The following FNDC3B variants were observed in gnomAD, a reference collection of about 807,000 sequenced individuals.
The protein encoded by FNDC3B is fibronectin type III domain-containing protein 3B.
Under a neutral mutation model 151.5 loss-of-function variants are expected in FNDC3B, and 12 were observed. The observed-to-expected ratio is 0.08, with a 90% CI of 0.05 to 0.13. The LOEUF is 0.13. Ranked by LOEUF, FNDC3B falls within the 10% of genes least tolerant of loss-of-function variation. The pLI is 1.00. For synonymous variants in FNDC3B, 528 were observed against 549.0 expected, an observed-to-expected ratio of 0.96 and a Z score of 0.54; for missense variants, 1,214 against 1,505.3, an observed-to-expected ratio of 0.81 and a Z score of 3.20.
At chr3:172,257,830 C>T (rs1435528953) in intron 6 of FNDC3B, among the ~76,000 whole-genome samples, 1 of 152,120 alleles carries the variant, frequency 6.6e-6, no homozygotes, top group Non-Finnish European at 1.5e-5. Flanking sequence ...AGGTGGGGCC[C>T]ACCAATCTAT....
intron 11 of FNDC3B, among the ~76,000 whole-genome samples, chr3:172,322,123 A>G (rs1459061582): frequency 6.6e-6 from 1 of 152,148 alleles, no homozygotes; most frequent in Non-Finnish European, 1.5e-5. Flanking sequence ...TGGGTTAGGG[A>G]TTTGGACAGG....
chr3:172,211,469 A>T (rs572915357), intron 3 of FNDC3B, among the ~76,000 whole-genome samples: 120 of 152,332 alleles, frequency 7.9e-4, no homozygotes, highest in Non-Finnish European at 6.3e-4. Context: ...GATAAAATAT[A>T]ATGTTTTTAG....
chr3:172,343,203 T>C, intron 18 of FNDC3B, 87 bp downstream of exon 18: 1 of 766,090 alleles, frequency 1.3e-6, no homozygotes, highest in Non-Finnish European at 2.3e-6. Context: ...TTCAAAGCTT[T>C]CTTCTAAAGA....
At chr3:172,186,285 G>A (rs942406682) in intron 3 of FNDC3B, among the ~76,000 whole-genome samples, 1 of 152,066 alleles carries the variant, frequency 6.6e-6, no homozygotes, top group African/African-American at 2.4e-5. Flanking sequence ...ATAAAATTTG[G>A]GATTACAAGT....
chr3:172,169,435 G>T (rs1723183253), intron 3 of FNDC3B, among the ~76,000 whole-genome samples: 1 of 152,168 alleles, frequency 6.6e-6, no homozygotes, highest in Non-Finnish European at 1.5e-5. Flanking sequence ...TAAATGCAGG[G>T]GTTAAATGCT....
At chr3:172,368,271 TAAAAAA>T (rs140694988) in intron 23 of FNDC3B, among the ~76,000 whole-genome samples, 2 of 140,132 alleles carry the variant, frequency 1.4e-5, no homozygotes, top group Non-Finnish European at 1.5e-5. Context: ...CCCAGACTCT[TAAAAAA>T]AAAAAAAAAA....
chr3:172,069,886 A>G (rs1163662319), intron 1 of FNDC3B, among the ~76,000 whole-genome samples: 3 of 152,170 alleles, frequency 2.0e-5, no homozygotes, highest in Non-Finnish European at 4.4e-5. Flanking sequence ...TTTCTATTAT[A>G]TATATCGTTT....
chr3:172,120,096 G>T (rs1720460018), intron 2 of FNDC3B, among the ~76,000 whole-genome samples: 1 of 152,206 alleles, frequency 6.6e-6, no homozygotes, highest in South Asian at 2.1e-4. Context: ...AGAGGGTGTT[G>T]TTATATGTGG....
At chr3:172,177,553 G>A (rs184485950) in intron 3 of FNDC3B, among the ~76,000 whole-genome samples, 34 of 142,894 alleles carry the variant, frequency 2.4e-4, no homozygotes, top group African/African-American at 8.6e-4. Context: ...AGCTTATACT[G>A]TATTATATTT....
intron 3 of FNDC3B, among the ~76,000 whole-genome samples, chr3:172,192,161 TTG>T (rs1184435180): frequency 7.1e-6 from 1 of 141,016 alleles, no homozygotes; most frequent in Non-Finnish European, 1.5e-5. Context: ...ACTGTTTTTT[TTG>T]TGTGTGTTTT....
chr3:172,327,912 G>A (rs1732439507), intron 11 of FNDC3B, among the ~76,000 whole-genome samples: 1 of 152,192 alleles, frequency 6.6e-6, no homozygotes, highest in Non-Finnish European at 1.5e-5. Flanking sequence ...ATTGCTCAAG[G>A]CCCTGGGCCT....
intron 21 of FNDC3B, among the ~76,000 whole-genome samples, chr3:172,350,350 A>T (rs558257203): frequency 6.6e-6 from 1 of 152,330 alleles, no homozygotes; most frequent in South Asian, 2.1e-4. Flanking sequence ...GTTTGAACTA[A>T]GCTTCAACTC....
chr3:172,366,407 T>G (rs912671734), intron 23 of FNDC3B, among the ~76,000 whole-genome samples: 1 of 152,176 alleles, frequency 6.6e-6, no homozygotes, highest in African/African-American at 2.4e-5. Context: ...TCTACATTAT[T>G]TAGTTCTTGA....
At chr3:172,191,247 T>G (rs1434740134) in intron 3 of FNDC3B, among the ~76,000 whole-genome samples, 1 of 152,274 alleles carries the variant, frequency 6.6e-6, no homozygotes, top group Non-Finnish European at 1.5e-5. Flanking sequence ...GATTTTTAAT[T>G]TGGTTGATGT....
chr3:172,358,100 C>T (rs1734187342), intron 22 of FNDC3B, among the ~76,000 whole-genome samples: 1 of 152,112 alleles, frequency 6.6e-6, no homozygotes, highest in Non-Finnish European at 1.5e-5. Flanking sequence ...GGCCTTTGCA[C>T]CTAAAGGGAG....
chr3:172,092,543 G>C (rs1304224803), intron 1 of FNDC3B, among the ~76,000 whole-genome samples: 1 of 152,184 alleles, frequency 6.6e-6, no homozygotes, highest in Non-Finnish European at 1.5e-5. Context: ...AGGTATGGGA[G>C]AAAGTCTAGT....
chr3:172,389,773 G>A (rs1410468834), intron 25 of FNDC3B, among the ~76,000 whole-genome samples: 1 of 152,146 alleles, frequency 6.6e-6, no homozygotes, highest in Non-Finnish European at 1.5e-5. Context: ...GGCTGAGGCA[G>A]GAGAATGGCC....
rs114312358 is a variant in FNDC3B, at chr3:172,163,025, C to T, written c.187+29479C>T. Among the ~76,000 whole-genome samples, 366 of 152,262 alleles carry T rather than the reference C, an allele frequency of 2.4e-3. 1 individual carries two copies. The highest frequency in any genetic ancestry group is 8.0e-3 in the African/African-American group (331 of 41,550). ...TGGTGGTTCATGCCTGTAATTCCAT[C>T]GCTTTGGGAGGCTGAGGCAGGAAGA... On this transcript the variant is annotated intron_variant, in intron 3 of 25. Coordinates refer to ENST00000415807, the MANE Select transcript of FNDC3B (RefSeq NM_022763.4).
intron 1 of FNDC3B, among the ~76,000 whole-genome samples, chr3:172,057,609 TCGAAG>T (rs1716978918): frequency 6.6e-6 from 1 of 151,978 alleles, no homozygotes; most frequent in Admixed American, 6.6e-5. Flanking sequence ...ATAATAGGGA[TCGAAG>T]CCTGTCTTGC....
Sources: allele counts gnomAD v4.1 joint callset (sites outside exome capture counted in the v4.1 genomes callset), GRCh38; gene constraint gnomAD v4.1.1; transcripts MANE v1.5; gene names NCBI Gene and HGNC (gene_info 2026-07-23, HGNC 2026-07-21).